The following PMP22 variants were observed in gnomAD, a reference collection of about 807,000 sequenced individuals.
PMP22 encodes peripheral myelin protein 22.
A neutral mutation model predicts 18.9 loss-of-function variants in PMP22; 2 were observed. The observed-to-expected ratio is 0.11, with a 90% confidence interval of 0.04 to 0.33. PMP22 has a LOEUF of 0.33. Ranked by LOEUF, PMP22 falls within the 10% of genes least tolerant of loss-of-function variation. The pLI is 1.00. For missense variants in PMP22, 169 were observed against 202.2 expected (o/e 0.84, Z 1.00); for synonymous variants, 95 against 89.2 (o/e 1.07, Z -0.37).
intron 3 of PMP22, among the ~76,000 whole-genome samples, chr17:15,245,127 G>A (rs1042691864): frequency 6.6e-6 from 1 of 152,162 alleles, no homozygotes; most frequent in Non-Finnish European, 1.5e-5. Context: ...CCAGGAGAAA[G>A]CAAACTCCAT....
At chr17:15,259,351 G>C (rs373249024) in intron 2 of PMP22, among the ~76,000 whole-genome samples, 158 bp from the exon 3 acceptor site, 15 of 152,302 alleles carry the variant, frequency 9.8e-5, no homozygotes, top group African/African-American at 3.4e-4. Flanking sequence ...TGACTTAAAA[G>C]CACCTTGTAA....
intron 4 of PMP22, among the ~76,000 whole-genome samples, chr17:15,231,566 C>A (rs1201799008): frequency 1.3e-5 from 2 of 152,222 alleles, no homozygotes; most frequent in Non-Finnish European, 2.9e-5. Flanking sequence ...AAGCTCCATG[C>A]AGACCACAGG....
intron 3 of PMP22, among the ~76,000 whole-genome samples, chr17:15,241,598 A>G (rs1194052148): frequency 6.6e-6 from 1 of 152,212 alleles, no homozygotes; most frequent in East Asian, 1.9e-4. Context: ...GAGACCTCAC[A>G]TACACAGAAA....
rs184477058 is a variant in PMP22 at position 15,265,213 on chromosome 17, A to G, written c.-94T>C. 2.6e-5 allele frequency: 4 copies of G among 152,120 alleles called. No homozygotes were observed. In the East Asian group the frequency reaches 7.8e-4, roughly 30 times the overall value. The allele number at this position is 152,120 out of a possible 1,614,324, so 9.4% of individuals were successfully genotyped here. A position where few individuals can be genotyped will look rare whatever the true frequency, so the allele number is the denominator to read the frequency against. ...ATTTCTTTGCAGCCAAATGCAAGGG[A>G]TGTTAAGGCAAGACCCTCCCCACAG... On this transcript the variant is annotated 5_prime_UTR_variant, in exon 1 of 5. Transcript: ENST00000312280.
At chr17:15,250,223 A>G (rs1398143776) in intron 3 of PMP22, among the ~76,000 whole-genome samples, 2 of 152,050 alleles carry the variant, frequency 1.3e-5, no homozygotes, top group Admixed American at 6.5e-5. Context: ...CAGCCGAGGT[A>G]ATTTCTTAAG....
intron 3 of PMP22, among the ~76,000 whole-genome samples, chr17:15,252,248 G>A (rs943467339): frequency 2.0e-5 from 3 of 152,154 alleles, no homozygotes; most frequent in Admixed American, 6.5e-5. Flanking sequence ...AACAAGTCTG[G>A]GATCGTTTTG....
At chr17:15,248,459 G>A (rs1457092545) in intron 3 of PMP22, among the ~76,000 whole-genome samples, 1 of 152,184 alleles carries the variant, frequency 6.6e-6, no homozygotes, top group African/African-American at 2.4e-5. Flanking sequence ...TTTGTGGCAG[G>A]CACAGAGCTA....
At chr17:15,257,891 A>G (rs1908976947) in intron 3 of PMP22, among the ~76,000 whole-genome samples, 1 of 152,198 alleles carries the variant, frequency 6.6e-6, no homozygotes, top group Non-Finnish European at 1.5e-5. Context: ...TTATTATTTT[A>G]GCAGTTTCTA....
chr17:15,235,702 T>C (rs1906739200), intron 4 of PMP22, among the ~76,000 whole-genome samples: 1 of 152,166 alleles, frequency 6.6e-6, no homozygotes, highest in Non-Finnish European at 1.5e-5. Flanking sequence ...ATCCCACAAC[T>C]ATTAAATGAG....
intron 2 of PMP22, chr17:15,260,244 G>A (rs1304896295): frequency 2.2e-5 from 6 of 271,076 alleles, no homozygotes; most frequent in South Asian, 4.2e-5. Flanking sequence ...CCAATTTCAA[G>A]TCCTAAAAGG....
intron 4 of PMP22, 48 bp from the exon 5 acceptor site, chr17:15,231,128 G>C (rs780638474): frequency 6.3e-7 from 1 of 1,595,002 alleles, no homozygotes; most frequent in Non-Finnish European, 8.6e-7. Context: ...CCATGGCAGA[G>C]CGGCCCCCTC....
At chr17:15,263,832 G>C (rs187422927) in intron 1 of PMP22, among the ~76,000 whole-genome samples, 2 of 152,198 alleles carry the variant, frequency 1.3e-5, no homozygotes, top group Admixed American at 6.5e-5. Context: ...TACAGTGCCC[G>C]TTATATGCCA....
At chr17:15,236,478 A>G (rs1163322894) in intron 4 of PMP22, among the ~76,000 whole-genome samples, 1 of 152,140 alleles carries the variant, frequency 6.6e-6, no homozygotes, top group Non-Finnish European at 1.5e-5. Context: ...AGTGGTTTCC[A>G]CTTAAAACGC....
rs1017711738 is a variant in PMP22 at position 15,229,872 on chromosome 17, T to C, written c.*1045A>G. 6.6e-6 allele frequency: 1 copy of C among 152,664 alleles called. No homozygotes were observed. Among genetic ancestry groups the C allele is most frequent in the Non-Finnish European group, 1.5e-5 (1 of 68,076 alleles). The allele number at this position is 152,664 out of a possible 1,614,324, so 9.5% of individuals were successfully genotyped here. ...AGCAAAAACAAAAGGTCTGGAGTCTTAGCATCAGAAGGGCACCATATATAC... is the reference window on the plus strand; with the variant it reads ...AGCAAAAACAAAAGGTCTGGAGTCTCAGCATCAGAAGGGCACCATATATAC... On this transcript the variant is annotated 3_prime_UTR_variant, in exon 5 of 5. Coordinates refer to ENST00000312280, the MANE Select transcript of PMP22 (RefSeq NM_000304.4).
At chr17:15,239,654 G>A (rs374680385) in intron 3 of PMP22, 43 bp from the exon 4 acceptor site, 21 of 1,609,706 alleles carry the variant, frequency 1.3e-5, no homozygotes, top group South Asian at 5.5e-5. Context: ...GGCCATGGCC[G>A]GGGGAGGGCT....
At chr17:15,248,721 G>A (rs1908057701) in intron 3 of PMP22, among the ~76,000 whole-genome samples, 1 of 152,188 alleles carries the variant, frequency 6.6e-6, no homozygotes, top group Non-Finnish European at 1.5e-5. Flanking sequence ...GGAGGGGAGT[G>A]CATTGTACGA....
At position 15,230,955 on chromosome 17, in the gene PMP22, T is replaced by C; in HGVS notation, c.445A>G (p.Ser149Gly). Residue 149 changes from serine to glycine, a missense_variant, in exon 5 of 5, where the codon AGC (serine) becomes GGC (glycine). By Grantham distance (56) the Ser-to-Gly change is moderately conservative (BLOSUM62 0). Coordinates refer to ENST00000312280, the MANE Select transcript of PMP22 (RefSeq NM_000304.4). The part of the protein sequence containing the change: ...AWVAFPLALL[S>G]GVIYVILRKR... ...CGCAAGATCACATAGATGACACCGC[T>C]GAGAAGGGCCAGGGGGAAGGCCACC... is the stretch of plus-strand genomic sequence containing the variant. The C allele has an allele frequency of 6.2e-7, 1 of 1,614,112 alleles. No individual in the cohort carries two copies. Among genetic ancestry groups the C allele is most frequent in the East Asian group, 2.2e-5 (1 of 44,876 alleles).
At position 15,230,771 on chromosome 17, in the gene PMP22, C is replaced by T. The variant is rs1906234697; in HGVS notation, c.*146G>A. 1 of 779,446 alleles carries T rather than the reference C, an allele frequency of 1.3e-6. No homozygotes were observed. The highest frequency in any genetic ancestry group is 1.7e-5 in the African/African-American group (1 of 58,028). The allele number at this position is 779,446 out of a possible 1,614,324, so 48.3% of individuals were successfully genotyped here. A position where few individuals can be genotyped will look rare whatever the true frequency, so the allele number is the denominator to read the frequency against. ...AGATATTATATACATCTTCAATCAA[C>T]AGCAACCCCCACCTCCACTGCTTTC... is the stretch of plus-strand genomic sequence containing the variant. On this transcript the variant is annotated 3_prime_UTR_variant, in exon 5 of 5. Transcript: ENST00000312280.
rs763227987 is a variant in PMP22, at chr17:15,230,974, G to A, written c.426C>T (p.Ala142=). ...YGFAYILAWV[A]FPLALLSGVI... ...CACCGCTGAGAAGGGCCAGGGGGAA[G>A]GCCACCCAGGCCAGGATGTAGGCGA... is the stretch of plus-strand genomic sequence containing the variant. The change falls in exon 5 of 5, where the codon GCC becomes GCT. Residue 142 remains alanine (A), a synonymous_variant. Coordinates refer to ENST00000312280, the MANE Select transcript of PMP22 (RefSeq NM_000304.4). 16 of 1,614,014 alleles carry A rather than the reference G, an allele frequency of 9.9e-6. No individual in the cohort carries two copies. The East Asian group carries it at 3.3e-4, about 34-fold the overall frequency.
Sources: gnomAD v4.1 joint callset for allele counts (sites outside exome capture counted in the v4.1 genomes callset) on GRCh38, gnomAD v4.1.1 for gene constraint, MANE v1.5 for transcripts, NCBI Gene and HGNC (gene_info 2026-07-23, HGNC 2026-07-21) for gene names.